Variants in KAZN observed in about 807,000 individuals in gnomAD.
The protein encoded by KAZN is kazrin, periplakin interacting protein.
A neutral mutation model predicts 87.4 loss-of-function variants in KAZN; 40 were observed. The ratio of observed to expected loss-of-function variants is 0.46; its 90% CI spans 0.36 to 0.60. The LOEUF is 0.60. KAZN is among the 20% of genes least tolerant of loss of function. The pLI is 0.00. For missense variants in KAZN, 898 were observed against 1,073.9 expected (o/e 0.84, Z 2.29); for synonymous variants, 466 against 458.3 (o/e 1.02, Z -0.22).
intron 2 of KAZN, among the ~76,000 whole-genome samples, chr1:14,508,357 C>G (rs1670717980): frequency 6.6e-6 from 1 of 152,168 alleles, no homozygotes; most frequent in Non-Finnish European, 1.5e-5. Context: ...CCCAAGACTT[C>G]ATGACTTAGA....
intron 2 of KAZN, among the ~76,000 whole-genome samples, chr1:14,454,663 T>G (rs1392492695): frequency 2.0e-5 from 3 of 152,190 alleles, no homozygotes; most frequent in Non-Finnish European, 2.9e-5. Context: ...CTACTGACCT[T>G]GGGGCATATA....
chr1:14,262,173 G>T (rs574583113), intron 2 of KAZN, among the ~76,000 whole-genome samples: 1 of 152,242 alleles, frequency 6.6e-6, no homozygotes, highest in East Asian at 1.9e-4. Flanking sequence ...CAGCACTTTG[G>T]GAAGCTGAGA....
chr1:14,344,163 CT>C (rs55837460), intron 2 of KAZN, among the ~76,000 whole-genome samples: 368 of 122,586 alleles, frequency 3.0e-3, no homozygotes, highest in Middle Eastern at 0.013. Context: ...TTCATGTATT[CT>C]TTTTTTTTTT....
chr1:15,061,575 A>G (rs982613762), intron 6 of KAZN: 2 of 152,200 alleles, frequency 1.3e-5, no homozygotes, highest in East Asian at 1.9e-4. Flanking sequence ...GATGGAGTGC[A>G]GTGACGCAGT....
chr1:14,599,513 C>T lies in KAZN; in HGVS notation c.226+290C>T, dbSNP rs1676778739. On this transcript the variant is annotated intron_variant, in intron 1 of 14. Transcript: ENST00000376030. This position sits in a 1 kb window ranked among gnomAD's most constrained non-coding sequence, Gnocchi z 4.4. ...GTCCCTTCCGGCATCAGAAAGTGCC[C>T]TTTCCGTGGCACCAGCCCCCTAGCT... Among the ~76,000 whole-genome samples, 1 of 152,166 alleles carries T rather than the reference C, an allele frequency of 6.6e-6. No homozygotes were observed. Among genetic ancestry groups the T allele is most frequent in the African/African-American group, 2.4e-5 (1 of 41,456 alleles).
intron 1 of KAZN, among the ~76,000 whole-genome samples, chr1:14,042,832 A>T (rs1026365628): frequency 6.6e-6 from 1 of 152,242 alleles, no homozygotes; most frequent in Non-Finnish European, 1.5e-5. Context: ...GAATACTAGC[A>T]GTGAATGAAA....
At chr1:14,419,589 C>T (rs1304487297) in intron 2 of KAZN, among the ~76,000 whole-genome samples, 3 of 152,154 alleles carry the variant, frequency 2.0e-5, no homozygotes, top group Non-Finnish European at 4.4e-5. Flanking sequence ...TGGACCCTCG[C>T]GATTTGAGTG....
chr1:14,908,619 AGGTGGGAGGATTGCTTGAGGCTGG>A (rs1327824416), intron 1 of KAZN, among the ~76,000 whole-genome samples: 1 of 152,160 alleles, frequency 6.6e-6, no homozygotes, highest in Non-Finnish European at 1.5e-5. Context: ...CAGGAGGCTG[AGGTGGGAGGATTGCTTGAGGCTGG>A]GAGGTTGAGG....
At chr1:14,383,749 T>C (rs1056426745) in intron 2 of KAZN, among the ~76,000 whole-genome samples, 2 of 152,148 alleles carry the variant, frequency 1.3e-5, no homozygotes, top group Non-Finnish European at 2.9e-5. Context: ...TCAGGTACTG[T>C]GATGCCTCCG....
chr1:14,072,369 A>C lies in KAZN; in HGVS notation c.92-108066A>C, dbSNP rs557364937. ...TCTGAGTCAAGAGAGGGCAAGCCCC[A>C]GCTGTGGTGCTCCTCCATCTATTTC... On this transcript the variant is annotated intron_variant, in intron 1 of 16. Coordinates refer to the KAZN transcript ENST00000636203. 2.6e-5 allele frequency among the ~76,000 whole-genome samples: 4 copies of C among 152,274 alleles called. No individual in the cohort carries two copies. In the East Asian group the frequency reaches 7.7e-4, roughly 29 times the overall value.
chr1:14,368,483 C>A (rs1004955307), intron 2 of KAZN, among the ~76,000 whole-genome samples: 1 of 152,192 alleles, frequency 6.6e-6, no homozygotes, highest in African/African-American at 2.4e-5. Flanking sequence ...GACCATTTTG[C>A]CAACCGTACA....
At chr1:14,514,572 T>TA (rs1376508121) in intron 2 of KAZN, among the ~76,000 whole-genome samples, 33 of 125,508 alleles carry the variant, frequency 2.6e-4, no homozygotes, top group African/African-American at 8.1e-4. Context: ...ATTTTCTATA[T>TA]ATTTTATATA....
chr1:14,217,894 G>A (rs968773793), intron 2 of KAZN, among the ~76,000 whole-genome samples: 7 of 152,060 alleles, frequency 4.6e-5, no homozygotes, highest in Non-Finnish European at 8.8e-5. Context: ...ATATATTTAA[G>A]ATAATTAAGG....
chr1:14,480,879 C>T (rs533456480), intron 2 of KAZN, among the ~76,000 whole-genome samples: 257 of 146,706 alleles, frequency 1.8e-3, no homozygotes, highest in African/African-American at 5.6e-3. Flanking sequence ...CTCACATCTT[C>T]GACCTACCCA....
At chr1:14,483,116 A>G (rs1346817182) in intron 2 of KAZN, among the ~76,000 whole-genome samples, 1 of 152,204 alleles carries the variant, frequency 6.6e-6, no homozygotes, top group African/African-American at 2.4e-5. Flanking sequence ...TTTTGCTCCC[A>G]TCCAAGTTTA....
At chr1:14,443,707 A>G (rs1279165081) in intron 2 of KAZN, among the ~76,000 whole-genome samples, 1 of 152,226 alleles carries the variant, frequency 6.6e-6, no homozygotes, top group Non-Finnish European at 1.5e-5. Context: ...AGCCTCCCAC[A>G]GGGATGTGGA....
intron 2 of KAZN, among the ~76,000 whole-genome samples, chr1:14,457,911 G>A (rs191527546): frequency 0.01 from 1,509 of 150,526 alleles, 23 homozygotes; most frequent in African/African-American, 0.034. Context: ...TCTGCCTCCC[G>A]TGTTCACGCC....
At chr1:14,762,615 C>T (rs1198557482) in intron 1 of KAZN, among the ~76,000 whole-genome samples, 2 of 151,970 alleles carry the variant, frequency 1.3e-5, no homozygotes, top group Non-Finnish European at 2.9e-5. Flanking sequence ...GTCCCAGCTA[C>T]TCGGGAGGCT....
chr1:14,173,087 AGCCAGACT>A (rs1374659226), intron 1 of KAZN, among the ~76,000 whole-genome samples: 1 of 152,196 alleles, frequency 6.6e-6, no homozygotes, highest in Non-Finnish European at 1.5e-5. Flanking sequence ...CACTAAGGCC[AGCCAGACT>A]CACGAGGAGG....
Sources: allele counts gnomAD v4.1 joint callset (sites outside exome capture counted in the v4.1 genomes callset), GRCh38; gene constraint gnomAD v4.1.1; non-coding constraint Gnocchi (gnomAD v3.1); transcripts MANE v1.5; gene names NCBI Gene and HGNC (gene_info 2026-07-23, HGNC 2026-07-21).